GSE1: variants seen among roughly 807,000 people sequenced by gnomAD.
The protein encoded by GSE1 is Gse1 coiled-coil protein, also known as genetic suppressor element 1.
GSE1 carries 32 observed loss-of-function variants against 112.6 expected under a neutral mutation model. The observed-to-expected ratio is 0.28, with a 90% CI of 0.21 to 0.38. The LOEUF is 0.38. Ranked by LOEUF, GSE1 falls within the 10% of genes least tolerant of loss-of-function variation. GSE1 has a pLI of 1.00. For synonymous variants in GSE1, 1,115 were observed against 735.6 expected, an observed-to-expected ratio of 1.52 and a Z score of -8.35; for missense variants, 2,348 against 1,699.2, an observed-to-expected ratio of 1.38 and a Z score of -6.71.
At chr16:85,202,779 C>G (rs774774483) in intron 1 of GSE1, among the ~76,000 whole-genome samples, 1 of 152,226 alleles carries the variant, frequency 6.6e-6, no homozygotes, top group Non-Finnish European at 1.5e-5. Context: ...TCTGGGAGTC[C>G]AGATGCTGTG....
chr16:85,613,079 T>A, upstream of GSE1: 1 of 568,306 alleles, frequency 1.8e-6, no homozygotes, highest in Non-Finnish European at 2.6e-6. Flanking sequence ...CCTGGGCGGG[T>A]GGATCCGGGC....
chr16:85,428,494 C>T (rs1053862442), intron 2 of GSE1, among the ~76,000 whole-genome samples: 2 of 152,240 alleles, frequency 1.3e-5, no homozygotes, highest in African/African-American at 4.8e-5. Context: ...GCCCCTGCCT[C>T]ACGGGGTGCT....
chr16:85,423,118 C>T, intron 2 of GSE1, among the ~76,000 whole-genome samples: 1 of 152,248 alleles, frequency 6.6e-6, no homozygotes, highest in East Asian at 1.9e-4. Context: ...CCCCAGGAAC[C>T]AGATCCTCAT....
chr16:85,515,621 G>A (rs1393850926), intron 2 of GSE1, among the ~76,000 whole-genome samples: 1 of 148,254 alleles, frequency 6.7e-6, no homozygotes, highest in Non-Finnish European at 1.5e-5. Context: ...TGTGGGGGGA[G>A]ATCGCCTGAA....
chr16:85,461,006 G>A (rs577611848), intron 2 of GSE1, among the ~76,000 whole-genome samples: 16 of 152,322 alleles, frequency 1.1e-4, no homozygotes, highest in South Asian at 2.1e-4. Context: ...GCAGCCAGCC[G>A]GGTGGGAAGG....
chr16:85,222,922 A>C (rs1034985990), intron 1 of GSE1, among the ~76,000 whole-genome samples: 1 of 152,242 alleles, frequency 6.6e-6, no homozygotes, highest in Admixed American at 6.5e-5. Context: ...AAAGAGGAAC[A>C]TAAAAATTGA....
intron 2 of GSE1, among the ~76,000 whole-genome samples, chr16:85,364,159 G>A (rs1198407174): frequency 2.6e-5 from 4 of 152,208 alleles, no homozygotes; most frequent in Non-Finnish European, 5.9e-5. Flanking sequence ...TGTGCCTTCT[G>A]CAGCTTCCTT....
Position 85,671,539 on chromosome 16 carries a change from A to C in GSE1, c.3519+441A>C, listed in dbSNP as rs115792762. ...GGCTGAGGCAGGATCACATGAGCCC[A>C]GGAGTTCAAGGCTGCAGTGAGCTCT... On this transcript the variant is annotated intron_variant, in intron 15 of 15. Transcript: ENST00000253458. 2.4e-3 allele frequency among the ~76,000 whole-genome samples: 367 copies of C among 152,050 alleles called. 2 individuals are homozygous for C. The highest frequency in any genetic ancestry group is 8.5e-3 in the African/African-American group (351 of 41,488).
chr16:85,286,423 G>A (rs138152473), intron 1 of GSE1, among the ~76,000 whole-genome samples: 26 of 152,324 alleles, frequency 1.7e-4, no homozygotes, highest in African/African-American at 4.3e-4. Context: ...AATTGCTGCC[G>A]CAGTCCGTGT....
At chr16:85,441,188 G>C (rs1489097923) in intron 2 of GSE1, among the ~76,000 whole-genome samples, 2 of 152,190 alleles carry the variant, frequency 1.3e-5, no homozygotes, top group Admixed American at 1.3e-4. Flanking sequence ...TTGTGGTGGG[G>C]GCTGTCCTGT....
chr16:85,479,349 A>G (rs960561431), intron 2 of GSE1, among the ~76,000 whole-genome samples: 1 of 150,900 alleles, frequency 6.6e-6, no homozygotes, highest in African/African-American at 2.4e-5. Context: ...TTGTATTTTT[A>G]GTAGAGATGG....
chr16:85,294,117 C>G (rs1177559279), intron 1 of GSE1, among the ~76,000 whole-genome samples: 2 of 152,202 alleles, frequency 1.3e-5, no homozygotes, highest in African/African-American at 4.8e-5. Flanking sequence ...CCGCAACAGC[C>G]AAGCCAGGTG....
At chr16:85,591,976 C>A (rs1164731807) in intron 1 of GSE1, among the ~76,000 whole-genome samples, 1 of 152,140 alleles carries the variant, frequency 6.6e-6, no homozygotes, top group African/African-American at 2.4e-5. Context: ...CAATGAGGAT[C>A]GGATGCACTC....
chr16:85,347,809 T>G (rs1652478645), intron 1 of GSE1, among the ~76,000 whole-genome samples: 1 of 152,174 alleles, frequency 6.6e-6, no homozygotes, highest in South Asian at 2.1e-4. Flanking sequence ...AAGCTTCCGC[T>G]CTAGGACCTT....
intron 1 of GSE1, among the ~76,000 whole-genome samples, chr16:85,351,221 A>G (rs1185763930): frequency 6.6e-6 from 1 of 152,202 alleles, no homozygotes; most frequent in Non-Finnish European, 1.5e-5. Flanking sequence ...TGGCTGCATG[A>G]ACAGCCAACC....
intron 2 of GSE1, among the ~76,000 whole-genome samples, chr16:85,393,286 G>A (rs1031924547): frequency 1.3e-5 from 2 of 152,178 alleles, no homozygotes; most frequent in Non-Finnish European, 2.9e-5. Flanking sequence ...GGGAGGCGGG[G>A]GCACAAAATA....
rs543364267 is a variant in GSE1 at position 85,591,806 on chromosome 16, A to C, written c.37+35443A>C. Among the ~76,000 whole-genome samples the C allele has an allele frequency of 2.0e-5, 3 of 152,328 alleles. No individual in the cohort carries two copies. In the South Asian group the frequency reaches 6.2e-4, roughly 32 times the overall value. ...CGGTTCTGGGTGCTAGGAATTCATC[A>C]CCAACAAAAGACAAAAATCCCGTGT... is the stretch of plus-strand genomic sequence containing the variant. On this transcript the variant is annotated intron_variant, in intron 1 of 2. Transcript: ENST00000635906.
At chr16:85,558,566 C>T (rs902498439) in intron 1 of GSE1, among the ~76,000 whole-genome samples, 1 of 151,682 alleles carries the variant, frequency 6.6e-6, no homozygotes, top group Non-Finnish European at 1.5e-5. Flanking sequence ...AGTAAAGCCC[C>T]CAGTGGGTAG....
At chr16:85,650,873 C>T (rs376819049) in intron 3 of GSE1, among the ~76,000 whole-genome samples, 5 of 151,956 alleles carry the variant, frequency 3.3e-5, no homozygotes, top group African/African-American at 4.8e-5. Flanking sequence ...GGAGGCTTCT[C>T]GGCCCCTTCT....
Sources: gnomAD v4.1 joint callset for allele counts (sites outside exome capture counted in the v4.1 genomes callset) on GRCh38, gnomAD v4.1.1 for gene constraint, MANE v1.5 for transcripts, NCBI Gene and HGNC (gene_info 2026-07-23, HGNC 2026-07-21) for gene names.